CMIP: variants seen among roughly 807,000 people sequenced by gnomAD.
The protein encoded by CMIP is C-Maf-inducing protein.
A neutral mutation model predicts 97.3 loss-of-function variants in CMIP; 13 were observed. That is an observed-to-expected ratio of 0.13 (90% confidence interval 0.09 to 0.21). CMIP has a LOEUF of 0.21. CMIP is among the 10% of genes least tolerant of loss of function. CMIP has a pLI of 1.00. For synonymous variants in CMIP, 538 were observed against 436.3 expected (o/e 1.23, Z -2.91); for missense variants, 847 against 1,024.9 (o/e 0.83, Z 2.37).
intron 14 of CMIP, among the ~76,000 whole-genome samples, chr16:81,698,350 C>T (rs1459501600): frequency 6.6e-6 from 1 of 152,194 alleles, no homozygotes; most frequent in Non-Finnish European, 1.5e-5. Context: ...AACAAAAGAC[C>T]GCCCAACACA....
chr16:81,629,061 G>A (rs746383300), intron 3 of CMIP, among the ~76,000 whole-genome samples: 1 of 143,498 alleles, frequency 7.0e-6, no homozygotes, highest in South Asian at 2.3e-4. Flanking sequence ...GCTTGAACCC[G>A]GGAGGCGGAG....
chr16:81,624,532 C>T (rs2092034470), intron 3 of CMIP, among the ~76,000 whole-genome samples: 1 of 152,094 alleles, frequency 6.6e-6, no homozygotes, highest in African/African-American at 2.4e-5. Flanking sequence ...ACTGTGTCCC[C>T]ATTGCTTAGT....
chr16:81,707,918 T>C (rs1370695520), intron 20 of CMIP, among the ~76,000 whole-genome samples: 1 of 152,230 alleles, frequency 6.6e-6, no homozygotes, highest in African/African-American at 2.4e-5. Flanking sequence ...GGAAGCTACT[T>C]AGAGGGAATC....
intron 1 of CMIP, among the ~76,000 whole-genome samples, chr16:81,465,608 G>A (rs1433027964): frequency 1.3e-5 from 2 of 152,262 alleles, no homozygotes; most frequent in African/African-American, 4.8e-5. Flanking sequence ...AGAAATGATC[G>A]ATTGAATGAA....
chr16:81,586,355 A>G (rs926964676), intron 1 of CMIP, among the ~76,000 whole-genome samples: 1 of 152,162 alleles, frequency 6.6e-6, no homozygotes, highest in Non-Finnish European at 1.5e-5. Context: ...GGGTGCTATT[A>G]TCATCGAAAC....
At position 81,475,099 on chromosome 16, in the gene CMIP, C is replaced by T. The variant is rs115695976; in HGVS notation, c.300+29558C>T. 1.8e-3 allele frequency among the ~76,000 whole-genome samples: 277 copies of T among 152,252 alleles called. 2 individuals are homozygous for T. Among genetic ancestry groups the T allele is most frequent in the African/African-American group, 6.4e-3 (267 of 41,530 alleles). ...TGGCCCTCTGGAGAGGAGGGTGGGC[C>T]ATGAGGAGAAGATGCTGTGTCTGGA... is the stretch of plus-strand genomic sequence containing the variant. On this transcript the variant is annotated intron_variant, in intron 1 of 20. Coordinates refer to ENST00000537098, the MANE Select transcript of CMIP (RefSeq NM_198390.3).
At chr16:81,543,576 G>A (rs2090488870) in intron 1 of CMIP, among the ~76,000 whole-genome samples, 1 of 152,164 alleles carries the variant, frequency 6.6e-6, no homozygotes, top group African/African-American at 2.4e-5. Flanking sequence ...GAGCCAGACA[G>A]CCTGTGTTCA....
At chr16:81,577,915 A>G (rs1302712375) in intron 1 of CMIP, among the ~76,000 whole-genome samples, 4 of 136,884 alleles carry the variant, frequency 2.9e-5, no homozygotes, top group Non-Finnish European at 6.1e-5. Context: ...CACTGTCACC[A>G]TCACCATCAT....
intron 1 of CMIP, among the ~76,000 whole-genome samples, chr16:81,585,206 G>A (rs1323949145): frequency 7.2e-5 from 11 of 152,178 alleles, no homozygotes; most frequent in Admixed American, 7.2e-4. Context: ...GCCAGGCATG[G>A]TGGTGGGCAC....
chr16:81,588,513 C>T (rs2091418253), intron 1 of CMIP, among the ~76,000 whole-genome samples: 2 of 152,142 alleles, frequency 1.3e-5, no homozygotes, highest in Non-Finnish European at 2.9e-5. Flanking sequence ...AGCAGTAGCC[C>T]CAGTGCTTCT....
chr16:81,645,172 G>A (rs1344034804), intron 3 of CMIP, among the ~76,000 whole-genome samples: 2 of 152,252 alleles, frequency 1.3e-5, no homozygotes, highest in Non-Finnish European at 2.9e-5. Context: ...GCCACCTGGG[G>A]CTGGTAGCTT....
At chr16:81,610,344 C>T in intron 2 of CMIP, 1 of 985,606 alleles carries the variant, frequency 1.0e-6, no homozygotes, top group Non-Finnish European at 1.2e-6. Flanking sequence ...GAGCCTCTAG[C>T]TGCTCCAGCA....
chr16:81,455,064 A>G (rs1260654208), intron 1 of CMIP, among the ~76,000 whole-genome samples: 1 of 152,228 alleles, frequency 6.6e-6, no homozygotes, highest in African/African-American at 2.4e-5. Flanking sequence ...AGAGTCTACC[A>G]GTGTGGGGTG....
Position 81,594,648 on chromosome 16 carries a change from C to G in CMIP, c.301-12919C>G, listed in dbSNP as rs570996825. ...TTTGTTTTTGAGACGGAGTCTCGCT[C>G]TGTTCCCCAGGCTGGAGTGCAGTGA... On this transcript the variant is annotated intron_variant, in intron 1 of 20. Coordinates refer to ENST00000537098, the MANE Select transcript of CMIP (RefSeq NM_198390.3). Among the ~76,000 whole-genome samples the G allele has an allele frequency of 1.3e-3, 201 of 152,240 alleles. 1 individual carries two copies. Among genetic ancestry groups the G allele is most frequent in the South Asian group, 2.9e-3 (14 of 4,816 alleles).
rs1260164218 is a variant in CMIP, at chr16:81,655,261, T to A, written c.640-2514T>A. 1.3e-5 allele frequency among the ~76,000 whole-genome samples: 2 copies of A among 152,158 alleles called. No individual in the cohort carries two copies. The highest frequency in any genetic ancestry group is 4.8e-5 in the African/African-American group (2 of 41,416). ...CTCTGTTCTGTTTGCCCAAGTTGTT[T>A]GCAAGGCCTCCTCTGGAGAGGTTCC... On this transcript the variant is annotated intron_variant, in intron 4 of 20. Coordinates refer to ENST00000537098, the MANE Select transcript of CMIP (RefSeq NM_198390.3). This position sits in a 1 kb window ranked among gnomAD's most constrained non-coding sequence, Gnocchi z 4.9.
At chr16:81,623,005 C>A (rs187277956) in intron 3 of CMIP, among the ~76,000 whole-genome samples, 31 of 152,308 alleles carry the variant, frequency 2.0e-4, no homozygotes, top group Non-Finnish European at 3.7e-4. Context: ...GAGTTCAAGA[C>A]CAGCCTGGGC....
At chr16:81,574,349 A>C (rs954013440) in intron 1 of CMIP, among the ~76,000 whole-genome samples, 2 of 152,132 alleles carry the variant, frequency 1.3e-5, no homozygotes, top group African/African-American at 4.8e-5. Flanking sequence ...CAACAACTTC[A>C]CAGCCCCAGG....
Position 81,685,779 on chromosome 16 carries a change from G to A in CMIP, c.1389-5996G>A, listed in dbSNP as rs540961234. On this transcript the variant is annotated intron_variant, in intron 10 of 20. Coordinates refer to ENST00000537098, the MANE Select transcript of CMIP (RefSeq NM_198390.3). ...GGATCTCTTTATGTTGCCCAAGCCAGTCTCGAACTCCTGGCCTCAAGCAAT... is the reference window on the plus strand; with the variant it reads ...GGATCTCTTTATGTTGCCCAAGCCAATCTCGAACTCCTGGCCTCAAGCAAT... Among the ~76,000 whole-genome samples, 3 of 149,888 alleles carry A rather than the reference G, an allele frequency of 2.0e-5. No individual in the cohort carries two copies. In the South Asian group the frequency reaches 6.3e-4, roughly 32 times the overall value.
intron 1 of CMIP, chr16:81,476,035 T>C (rs1907891580): frequency 4.3e-6 from 3 of 695,846 alleles, no homozygotes. Flanking sequence ...ATTCAAGTTG[T>C]CCACAGTTAG....
Sources: allele counts gnomAD v4.1 joint callset (sites outside exome capture counted in the v4.1 genomes callset), GRCh38; gene constraint gnomAD v4.1.1; non-coding constraint Gnocchi (gnomAD v3.1); transcripts MANE v1.5; gene names NCBI Gene and HGNC (gene_info 2026-07-23, HGNC 2026-07-21).